Variants in MSRA observed in about 807,000 individuals in gnomAD.
The protein encoded by MSRA is mitochondrial peptide methionine sulfoxide reductase.
In MSRA, 54 loss-of-function variants were observed where a neutral mutation model predicts 31.3. That is an observed-to-expected ratio of 1.73 (90% CI 1.39 to 2.17). MSRA has a LOEUF of 2.17. Ranked by LOEUF, MSRA falls within the 30% of genes most tolerant of loss-of-function variation. The pLI, the probability that MSRA is intolerant of heterozygous loss-of-function variation, is 0.00. For synonymous variants in MSRA, 169 were observed against 116.5 expected, an observed-to-expected ratio of 1.45 and a Z score of -2.90; for missense variants, 507 against 300.9, an observed-to-expected ratio of 1.69 and a Z score of -5.07.
At chr8:10,325,825 C>T (rs551718606) in intron 5 of MSRA, among the ~76,000 whole-genome samples, 5 of 152,314 alleles carry the variant, frequency 3.3e-5, no homozygotes, top group South Asian at 2.1e-4. Context: ...AGGTGACCCC[C>T]GGACTGGGCT....
chr8:10,085,069 AAC>A (rs975617455), intron 1 of MSRA, among the ~76,000 whole-genome samples: 1 of 152,232 alleles, frequency 6.6e-6, no homozygotes, highest in Non-Finnish European at 1.5e-5. Context: ...AAAAATCGTG[AAC>A]ACAGTGCTCA....
At chr8:10,146,864 C>A (rs1352934499) in intron 1 of MSRA, among the ~76,000 whole-genome samples, 2 of 152,122 alleles carry the variant, frequency 1.3e-5, no homozygotes, top group African/African-American at 4.8e-5. Context: ...GAAGGGCTTG[C>A]TGAAAGGTTT....
intron 1 of MSRA, among the ~76,000 whole-genome samples, chr8:10,202,672 T>TA (rs1481470480): frequency 7.2e-5 from 11 of 152,170 alleles, no homozygotes; most frequent in Non-Finnish European, 1.3e-4. Flanking sequence ...GACTAATGTT[T>TA]ATTTGCCGTT....
At chr8:10,186,652 A>G (rs1481991623) in intron 1 of MSRA, among the ~76,000 whole-genome samples, 2 of 152,184 alleles carry the variant, frequency 1.3e-5, no homozygotes, top group Non-Finnish European at 2.9e-5. Flanking sequence ...CTGAAAGCGC[A>G]TACAATTTAA....
At chr8:10,060,431 A>G (rs966612246) in intron 1 of MSRA, among the ~76,000 whole-genome samples, 8 of 152,350 alleles carry the variant, frequency 5.3e-5, no homozygotes, top group African/African-American at 1.9e-4. Context: ...GAAACTTTGA[A>G]AGGATAGCTA....
At chr8:10,388,049 C>G (rs1806502773) in intron 5 of MSRA, among the ~76,000 whole-genome samples, 1 of 152,116 alleles carries the variant, frequency 6.6e-6, no homozygotes, top group South Asian at 2.1e-4. Context: ...CAATGGAGCC[C>G]TTGTAACAAA....
intron 3 of MSRA, among the ~76,000 whole-genome samples, chr8:10,255,997 T>C (rs11782517): frequency 0.21 from 31,974 of 151,974 alleles, 4,218 homozygotes; most frequent in Admixed American, 0.33. Flanking sequence ...TGACACGTCC[T>C]CAGCAGCCAT....
chr8:10,082,759 C>T (rs570791985), intron 1 of MSRA, among the ~76,000 whole-genome samples: 40 of 152,212 alleles, frequency 2.6e-4, no homozygotes, highest in Middle Eastern at 3.4e-3. Flanking sequence ...GCCCATCACA[C>T]GGTTGTGTGG....
chr8:10,368,566 C>T (rs1288237120), intron 5 of MSRA, among the ~76,000 whole-genome samples: 1 of 152,236 alleles, frequency 6.6e-6, no homozygotes, highest in African/African-American at 2.4e-5. Flanking sequence ...GTCCTGGTTG[C>T]CTCTAGTGAA....
intron 1 of MSRA, among the ~76,000 whole-genome samples, chr8:10,123,767 T>A (rs1801296016): frequency 6.6e-6 from 1 of 152,158 alleles, no homozygotes; most frequent in South Asian, 2.1e-4. Context: ...CTTTCCTCAT[T>A]GCTTGTTTTT....
intron 1 of MSRA, among the ~76,000 whole-genome samples, chr8:10,132,991 T>C (rs957898005): frequency 5.9e-5 from 9 of 152,230 alleles, no homozygotes; most frequent in African/African-American, 2.2e-4. Context: ...ATAAGCACCA[T>C]ATGGGGTCCT....
intron 1 of MSRA, among the ~76,000 whole-genome samples, chr8:10,091,876 G>C (rs1034640473): frequency 3.9e-5 from 6 of 152,018 alleles, no homozygotes; most frequent in Admixed American, 3.3e-4. Flanking sequence ...CAGAGTGTTG[G>C]GATTACAGGT....
chr8:10,115,633 C>T (rs1204479964), intron 1 of MSRA, among the ~76,000 whole-genome samples: 1 of 152,188 alleles, frequency 6.6e-6, no homozygotes, highest in African/African-American at 2.4e-5. Flanking sequence ...GTGGCGCTTT[C>T]TAAAAGATTG....
At chr8:10,156,001 T>C (rs1445526619) in intron 1 of MSRA, among the ~76,000 whole-genome samples, 1 of 152,136 alleles carries the variant, frequency 6.6e-6, no homozygotes, top group East Asian at 1.9e-4. Flanking sequence ...GTGACCTTAA[T>C]GAAGTGGTCA....
chr8:10,190,280 G>T (rs1176758534), intron 1 of MSRA, among the ~76,000 whole-genome samples: 1 of 152,120 alleles, frequency 6.6e-6, no homozygotes, highest in African/African-American at 2.4e-5. Context: ...CCTCAGCCTG[G>T]TGGTAATGTT....
chr8:10,124,453 T>C (rs531023965), intron 1 of MSRA, among the ~76,000 whole-genome samples: 1 of 152,308 alleles, frequency 6.6e-6, no homozygotes, highest in South Asian at 2.1e-4. Flanking sequence ...GAATATCTGC[T>C]CCCATTTCAG....
intron 3 of MSRA, among the ~76,000 whole-genome samples, chr8:10,247,163 C>T (rs1237951086): frequency 2.6e-5 from 4 of 152,216 alleles, no homozygotes; most frequent in Admixed American, 2.6e-4. Context: ...ATGCTATATG[C>T]CAGACACTGT....
intron 1 of MSRA, among the ~76,000 whole-genome samples, chr8:10,156,471 G>A (rs1286945714): frequency 6.6e-5 from 10 of 152,126 alleles, no homozygotes; most frequent in African/African-American, 1.4e-4. Context: ...GGGGATTTGA[G>A]AAGATATTAA....
chr8:10,257,814 C>CAAG (rs1260017147), intron 3 of MSRA, among the ~76,000 whole-genome samples: 13 of 152,122 alleles, frequency 8.5e-5, no homozygotes, highest in Non-Finnish European at 1.8e-4. Flanking sequence ...CACTCTCTTA[C>CAAG]CTAGGATGTA....
Sources: gnomAD v4.1 joint callset for allele counts (sites outside exome capture counted in the v4.1 genomes callset) on GRCh38, gnomAD v4.1.1 for gene constraint, MANE v1.5 for transcripts, NCBI Gene and HGNC (gene_info 2026-07-23, HGNC 2026-07-21) for gene names.